The following C8orf76 variants were observed in gnomAD, a reference collection of about 807,000 sequenced individuals.
The protein encoded by C8orf76 is uncharacterized protein C8orf76.
In C8orf76, 46 loss-of-function variants were observed where a neutral mutation model predicts 38.1. That is an observed-to-expected ratio of 1.21 (90% CI 0.95 to 1.54). The LOEUF is 1.54. C8orf76 is among the 40% of genes most tolerant of loss of function. The pLI is 0.00. For synonymous variants in C8orf76, 166 were observed against 167.5 expected (o/e 0.99, Z 0.07); for missense variants, 461 against 441.6 (o/e 1.04, Z -0.39).
chr8:123,237,032 C>T (rs1586811287), intron 3 of C8orf76: 1 of 1,424,974 alleles, frequency 7.0e-7, no homozygotes, highest in Non-Finnish European at 9.9e-7. Context: ...GGAGTCCACC[C>T]TGCACCTGGT....
In C8orf76 at chr8:123,219,999, T is replaced by C. The variant is rs1824859385; in HGVS notation, c.*104A>G. On this transcript the variant is annotated 3_prime_UTR_variant, in exon 6 of 6. Coordinates refer to ENST00000276704, the MANE Select transcript of C8orf76 (RefSeq NM_032847.3). ...AGACAGAAGCCAGTTTTATAAAACATAAATAATCATTTATACTCCATGATT... is the reference window on the plus strand; with the variant it reads ...AGACAGAAGCCAGTTTTATAAAACACAAATAATCATTTATACTCCATGATT... 3 of 637,818 alleles carry C rather than the reference T, an allele frequency of 4.7e-6. No individual in the cohort carries two copies. Among genetic ancestry groups the C allele is most frequent in the South Asian group, 3.0e-5 (1 of 33,730 alleles). The allele number at this position is 637,818 out of a possible 1,614,324, so 39.5% of individuals were successfully genotyped here.
intron 5 of C8orf76, among the ~76,000 whole-genome samples, chr8:123,223,776 A>T (rs948740489): frequency 4.6e-5 from 7 of 152,260 alleles, no homozygotes; most frequent in Non-Finnish European, 1.0e-4. Flanking sequence ...ATTTAGCCAT[A>T]GAAGGTATGA....
At chr8:123,234,340 G>A (rs1193937173) in intron 3 of C8orf76, among the ~76,000 whole-genome samples, 3 of 151,978 alleles carry the variant, frequency 2.0e-5, no homozygotes, top group South Asian at 4.1e-4. Flanking sequence ...AGGTACTTAC[G>A]AAGAGCTGAT....
intron 5 of C8orf76, among the ~76,000 whole-genome samples, chr8:123,225,840 G>A (rs757260838): frequency 1.3e-5 from 2 of 151,884 alleles, no homozygotes; most frequent in East Asian, 1.9e-4. Context: ...CATGAGAATC[G>A]CTTGAACCCA....
At chr8:123,232,767 C>T (rs796577713) in intron 3 of C8orf76, among the ~76,000 whole-genome samples, 4 of 152,268 alleles carry the variant, frequency 2.6e-5, no homozygotes, top group African/African-American at 9.6e-5. Flanking sequence ...GAACACATCT[C>T]GTTTTATTGT....
At chr8:123,223,480 C>A (rs536388054) in intron 5 of C8orf76, among the ~76,000 whole-genome samples, 1 of 152,102 alleles carries the variant, frequency 6.6e-6, no homozygotes, top group Non-Finnish European at 1.5e-5. Context: ...TGGTGGCACA[C>A]GCCTGTAGTC....
intron 3 of C8orf76, chr8:123,236,935 G>A (rs1825510364): frequency 6.8e-7 from 1 of 1,461,896 alleles, no homozygotes; most frequent in Non-Finnish European, 9.6e-7. Flanking sequence ...AGGACAAGGA[G>A]GGCATCCCAC....
intron 1 of C8orf76, chr8:123,239,388 C>T (rs1223629672): frequency 2.7e-6 from 1 of 374,926 alleles, no homozygotes. Flanking sequence ...TAAAATGAGA[C>T]ATGCTTTCTT....
chr8:123,241,364 G>C lies in C8orf76; in HGVS notation c.-18C>G. The C allele has an allele frequency of 6.5e-7, 1 of 1,543,778 alleles. No individual in the cohort carries two copies. The highest frequency in any genetic ancestry group is 2.6e-5 in the East Asian group (1 of 37,920). The stretch of plus-strand genomic sequence containing the variant: ...GAATCCATCTCGCGCCCGCGGCGGG[G>C]GCAACGAGGAAGCGGGGCCCGCCGG... On this transcript the variant is annotated 5_prime_UTR_variant, in exon 1 of 6. Coordinates refer to ENST00000276704, the MANE Select transcript of C8orf76 (RefSeq NM_032847.3).
In C8orf76 at chr8:123,220,298, C is replaced by T. The variant is rs1406885224; in HGVS notation, c.949-1G>A. 1.3e-6 allele frequency: 2 copies of T among 1,547,172 alleles called. No homozygotes were observed. The highest frequency in any genetic ancestry group is 2.2e-5 in the Admixed American group (1 of 45,064). On this transcript the variant is annotated splice_acceptor_variant, in intron 5 of 5. Coordinates refer to ENST00000276704, the MANE Select transcript of C8orf76 (RefSeq NM_032847.3). LOFTEE classifies it high-confidence loss of function. ...TTTCTGGGATATCTTCTCCCATAAC[C>T]TATAACAGGAGGAAAAAAAAAAACT...
intron 2 of C8orf76, 31 bp from the exon 3 acceptor site, chr8:123,237,972 A>G (rs1358869037): frequency 6.3e-6 from 10 of 1,596,904 alleles, no homozygotes; most frequent in Non-Finnish European, 8.5e-6. Context: ...AAAGAAATGA[A>G]AGGAGGAAAA....
intron 3 of C8orf76, among the ~76,000 whole-genome samples, chr8:123,234,454 G>C (rs1825387376): frequency 6.6e-6 from 1 of 152,120 alleles, no homozygotes; most frequent in African/African-American, 2.4e-5. Flanking sequence ...GGCCAACATG[G>C]TGAAACCCTG....
intron 4 of C8orf76, among the ~76,000 whole-genome samples, chr8:123,228,854 C>G (rs1299424516): frequency 6.6e-6 from 1 of 152,228 alleles, no homozygotes; most frequent in African/African-American, 2.4e-5. Flanking sequence ...TACTTTAATT[C>G]TACAACCCCA....
chr8:123,233,304 C>G (rs1825344787), intron 3 of C8orf76, among the ~76,000 whole-genome samples: 1 of 152,062 alleles, frequency 6.6e-6, no homozygotes, highest in African/African-American at 2.4e-5. Flanking sequence ...CAGGCATGAA[C>G]CACTGTGCCC....
intron 5 of C8orf76, among the ~76,000 whole-genome samples, chr8:123,220,966 T>G (rs1824882846): frequency 6.6e-6 from 1 of 152,202 alleles, no homozygotes; most frequent in South Asian, 2.1e-4. Context: ...CCAAAACATT[T>G]CATACCATCT....
chr8:123,228,481 T>C (rs1014501470), intron 4 of C8orf76, among the ~76,000 whole-genome samples: 4 of 152,116 alleles, frequency 2.6e-5, no homozygotes, highest in African/African-American at 9.7e-5. Context: ...TAGCCTGGCA[T>C]GGTGGTGCAT....
At position 123,231,715 on chromosome 8, in the gene C8orf76, AGAG is replaced by A. The variant is rs1327153354; in HGVS notation, c.397_399del (p.Leu133del). 2 of 1,612,154 alleles carry A rather than the reference AGAG, an allele frequency of 1.2e-6. No individual in the cohort carries two copies. The highest frequency in any genetic ancestry group is 1.7e-6 in the Non-Finnish European group (2 of 1,180,002). ...CTTGAACAAATAGCAAGCTGGAGGT[AGAG>A]TACCGTGGTTAAATGGTCTGTGTTG... On this transcript the variant is annotated inframe_deletion, in exon 4 of 6. Transcript: ENST00000276704.
intron 1 of C8orf76, 86 bp downstream of exon 1, chr8:123,241,144 G>A: frequency 7.4e-7 from 1 of 1,357,918 alleles, no homozygotes; most frequent in Non-Finnish European, 9.6e-7. Context: ...CGTTCGCGCG[G>A]ACGGAGGGGC....
Position 123,226,687 on chromosome 8 carries a change from A to C in C8orf76, c.816-55T>G. 3.9e-6 allele frequency: 6 copies of C among 1,533,680 alleles called. No homozygotes were observed. In the South Asian group the frequency reaches 6.4e-5, roughly 16 times the overall value. Reference sequence around the variant, plus strand: ...CGAAAAGTCCCAACGCTTCCAGATAAAGGAAAGCCGCGAGGAAATGTTCAG... The same window carrying C: ...CGAAAAGTCCCAACGCTTCCAGATACAGGAAAGCCGCGAGGAAATGTTCAG... On this transcript the variant is annotated intron_variant, in intron 4 of 5. Transcript: ENST00000276704.
Sources: allele counts gnomAD v4.1 joint callset (sites outside exome capture counted in the v4.1 genomes callset), GRCh38; gene constraint gnomAD v4.1.1; transcripts MANE v1.5; gene names NCBI Gene and HGNC (gene_info 2026-07-23, HGNC 2026-07-21).